Variants in PIAS4 observed in about 807,000 individuals in gnomAD.
The protein encoded by PIAS4 is E3 SUMO-protein ligase PIAS4.
A neutral mutation model predicts 58.0 loss-of-function variants in PIAS4; 7 were observed. The observed-to-expected ratio is 0.12, with a 90% CI of 0.07 to 0.23. The LOEUF is 0.23. Among genes scored for constraint, PIAS4 ranks in the 10% least tolerant of loss-of-function variants. PIAS4 has a pLI of 1.00. For missense variants in PIAS4, 550 were observed against 709.5 expected, an observed-to-expected ratio of 0.78 and a Z score of 2.55; for synonymous variants, 364 against 312.4, an observed-to-expected ratio of 1.17 and a Z score of -1.74.
At chr19:4,011,075 C>A (rs909079557) in intron 1 of PIAS4, among the ~76,000 whole-genome samples, 4 of 152,228 alleles carry the variant, frequency 2.6e-5, no homozygotes, top group African/African-American at 9.6e-5. Flanking sequence ...CCTGGGGCAG[C>A]CAGGAGCCGG....
intron 2 of PIAS4, 105 bp from the exon 3 acceptor site, chr19:4,023,931 C>A: frequency 1.2e-6 from 1 of 800,960 alleles, no homozygotes; most frequent in South Asian, 1.4e-5. Flanking sequence ...GCCAACTTCC[C>A]ATTTCCTGTT....
chr19:4,033,727 C>T (rs1261774555), intron 9 of PIAS4, 147 bp downstream of exon 9: 6 of 671,682 alleles, frequency 8.9e-6, no homozygotes, highest in South Asian at 4.0e-5. Context: ...CCCCGGGCTG[C>T]GAAAAGAGCC....
At chr19:4,008,817 C>T (rs1012648986) in intron 1 of PIAS4, among the ~76,000 whole-genome samples, 4 of 152,076 alleles carry the variant, frequency 2.6e-5, no homozygotes, top group African/African-American at 9.7e-5. Flanking sequence ...TTATGCACCC[C>T]AACTTTGGTT....
At chr19:4,019,161 G>A (rs1407133963) in intron 2 of PIAS4, among the ~76,000 whole-genome samples, 1 of 152,168 alleles carries the variant, frequency 6.6e-6, no homozygotes, top group East Asian at 1.9e-4. Flanking sequence ...GATGCCACCT[G>A]GGTTTCTGGC....
chr19:4,026,685 TTTA>T (rs1049051971), intron 3 of PIAS4, among the ~76,000 whole-genome samples: 12 of 151,816 alleles, frequency 7.9e-5, no homozygotes, highest in African/African-American at 1.2e-4. Context: ...GTGGCTTTCG[TTTA>T]TTATTATTAT....
intron 9 of PIAS4, among the ~76,000 whole-genome samples, chr19:4,036,919 C>T (rs1051162850): frequency 2.0e-5 from 3 of 151,282 alleles, no homozygotes; most frequent in Admixed American, 1.3e-4. Flanking sequence ...CACGTGTGTA[C>T]ACATGCTCAC....
chr19:4,012,914 C>A lies in PIAS4; in HGVS notation c.28-9C>A. 1 of 1,604,998 alleles carries A rather than the reference C, an allele frequency of 6.2e-7. No individual in the cohort carries two copies. Among genetic ancestry groups the A allele is most frequent in the South Asian group, 1.1e-5 (1 of 90,294 alleles). On this transcript the variant is annotated splice_polypyrimidine_tract_variant and intron_variant, in intron 1 of 10. Coordinates refer to ENST00000262971, the MANE Select transcript of PIAS4 (RefSeq NM_015897.4). ...TCCTCTGAGTGTGTGTGTGCTTGCTCCTCCTCAGAACATGGTGATGAGTTT... is the reference window on the plus strand; with the variant it reads ...TCCTCTGAGTGTGTGTGTGCTTGCTACTCCTCAGAACATGGTGATGAGTTT...
chr19:4,012,326 A>G (rs1304478951), intron 1 of PIAS4, among the ~76,000 whole-genome samples: 1 of 152,050 alleles, frequency 6.6e-6, no homozygotes, highest in Non-Finnish European at 1.5e-5. Context: ...CTCATTTGTG[A>G]CAGAGCTCAC....
Position 4,037,797 on chromosome 19 carries a change from G to GGAGGAA in PIAS4, c.1458_1463dup (p.Glu486_Glu487dup). On this transcript the variant is annotated inframe_insertion, in exon 11 of 11. Coordinates refer to ENST00000262971, the MANE Select transcript of PIAS4 (RefSeq NM_015897.4). This position sits in a 1 kb window ranked among gnomAD's most constrained non-coding sequence, Gnocchi z 5.8. ...AGGATGAGGAGGAGGAGGAAGAGGA[G>GGAGGAA]GAGGAAGACGAGGACGAAGAGGGGC... 6.3e-7 allele frequency: 1 copy of GGAGGAA among 1,593,888 alleles called. No homozygotes were observed. Among genetic ancestry groups the GGAGGAA allele is most frequent in the Non-Finnish European group, 8.5e-7 (1 of 1,170,704 alleles).
In PIAS4 at chr19:4,036,955, ATGCACACG is replaced by A. The variant is rs750178722; in HGVS notation, c.1143-411_1143-404del. Among the ~76,000 whole-genome samples the A allele has an allele frequency of 6.2e-4, 95 of 152,042 alleles. 1 individual carries two copies. Among genetic ancestry groups the A allele is most frequent in the Admixed American group, 1.7e-3 (26 of 15,216 alleles). ...ACACACACATTCATAGACTCCACAC[ATGCACACG>A]TGCACACACACGCACATGCTCGCAC... On this transcript the variant is annotated intron_variant, in intron 9 of 10. Coordinates refer to ENST00000262971, the MANE Select transcript of PIAS4 (RefSeq NM_015897.4).
At chr19:4,010,510 G>A (rs2039982407) in intron 1 of PIAS4, among the ~76,000 whole-genome samples, 1 of 152,248 alleles carries the variant, frequency 6.6e-6, no homozygotes, top group Non-Finnish European at 1.5e-5. Flanking sequence ...TAGGAAGTCA[G>A]GCCAAGGGAG....
intron 2 of PIAS4, among the ~76,000 whole-genome samples, chr19:4,019,076 G>A (rs1049659061): frequency 4.6e-5 from 7 of 152,142 alleles, no homozygotes; most frequent in Admixed American, 4.6e-4. Context: ...GCACCGGGCG[G>A]GATTTGAAAA....
At chr19:4,023,437 G>A (rs1416598260) in intron 2 of PIAS4, among the ~76,000 whole-genome samples, 1 of 152,202 alleles carries the variant, frequency 6.6e-6, no homozygotes, top group Non-Finnish European at 1.5e-5. Flanking sequence ...TCCAGCCTGG[G>A]CGACAGGGTA....
At chr19:4,017,000 G>A (rs959154929) in intron 2 of PIAS4, among the ~76,000 whole-genome samples, 3 of 152,252 alleles carry the variant, frequency 2.0e-5, no homozygotes, top group South Asian at 4.1e-4. Flanking sequence ...GCAAGTGGCC[G>A]TCTGCCTTCC....
chr19:4,028,313 C>T, intron 4 of PIAS4, 126 bp downstream of exon 4: 1 of 888,602 alleles, frequency 1.1e-6, no homozygotes, highest in Non-Finnish European at 1.8e-6. Flanking sequence ...CTCTCCTCAC[C>T]TGCTGTCTAT....
intron 2 of PIAS4, among the ~76,000 whole-genome samples, chr19:4,015,329 G>C (rs1024526197): frequency 2.6e-5 from 4 of 152,106 alleles, no homozygotes; most frequent in African/African-American, 9.7e-5. Context: ...ACGGGGACCA[G>C]TAGCTCCGTC....
intron 3 of PIAS4, among the ~76,000 whole-genome samples, chr19:4,025,357 T>C (rs540476817): frequency 1.3e-5 from 2 of 152,298 alleles, no homozygotes; most frequent in East Asian, 3.9e-4. Context: ...CCTCCCTCAG[T>C]CTCTCCGAGG....
rs2040321824 is a variant in PIAS4, at chr19:4,038,116, T to C, written c.*241T>C. The C allele has an allele frequency of 2.0e-6, 1 of 502,744 alleles. No homozygotes were observed. Among genetic ancestry groups the C allele is most frequent in the Admixed American group, 4.0e-5 (1 of 24,788 alleles). The allele number at this position is 502,744 out of a possible 1,614,324, so 31.1% of individuals were successfully genotyped here. On this transcript the variant is annotated 3_prime_UTR_variant, in exon 11 of 11. Transcript: ENST00000262971. The surrounding 1 kb of genome is among the most constrained non-coding windows in gnomAD (Gnocchi z 4.1). ...AAAATGAAACAAAAAAGTCAAACTC[T>C]TAAAAACAAGGCCGGCCACCCACAC...
chr19:4,025,770 A>C (rs1403470880), intron 3 of PIAS4, among the ~76,000 whole-genome samples: 1 of 152,076 alleles, frequency 6.6e-6, no homozygotes, highest in Non-Finnish European at 1.5e-5. Context: ...AGCCAGCCAC[A>C]CAGTATAAAA....
Sources: gnomAD v4.1 joint callset for allele counts (sites outside exome capture counted in the v4.1 genomes callset) on GRCh38, gnomAD v4.1.1 for gene constraint, Gnocchi (gnomAD v3.1) non-coding constraint, MANE v1.5 for transcripts, NCBI Gene and HGNC (gene_info 2026-07-23, HGNC 2026-07-21) for gene names.